The following RARB variants were observed in gnomAD, a reference collection of about 807,000 sequenced individuals.
RARB encodes HBV-activated protein.
In RARB, 17 loss-of-function variants were observed where a neutral mutation model predicts 51.9. That is an observed-to-expected ratio of 0.33 (90% CI 0.22 to 0.49). The LOEUF (loss-of-function observed/expected upper bound fraction) is 0.49, where lower values mean the gene tolerates loss of function less well. Ranked by LOEUF, RARB falls within the 20% of genes least tolerant of loss-of-function variation. RARB has a pLI of 0.99. For missense variants in RARB, 369 were observed against 550.8 expected (o/e 0.67, Z 3.30); for synonymous variants, 215 against 195.4 (o/e 1.10, Z -0.84).
chr3:25,370,387 G>T (rs1184389699), intron 5 of RARB, among the ~76,000 whole-genome samples: 1 of 152,164 alleles, frequency 6.6e-6, no homozygotes, highest in African/African-American at 2.4e-5. Context: ...TACCATAAGG[G>T]TAGCAAGGTG....
intron 3 of RARB, among the ~76,000 whole-genome samples, chr3:25,121,736 T>C (rs1054226392): frequency 1.2e-4 from 18 of 152,040 alleles, no homozygotes; most frequent in African/African-American, 4.4e-4. Context: ...ATTAATAGGC[T>C]ACTCAAAATA....
chr3:24,856,537 C>T (rs1702638903), intron 1 of RARB, among the ~76,000 whole-genome samples: 2 of 152,286 alleles, frequency 1.3e-5, no homozygotes, highest in South Asian at 2.1e-4. Flanking sequence ...TCTCCTGATT[C>T]GTTGACTTAT....
chr3:25,032,715 G>A (rs1048734842), intron 2 of RARB, among the ~76,000 whole-genome samples: 2 of 152,102 alleles, frequency 1.3e-5, no homozygotes, highest in Non-Finnish European at 2.9e-5. Context: ...TGGAAGGGAG[G>A]GTATTTCAGC....
intron 4 of RARB, among the ~76,000 whole-genome samples, chr3:25,143,438 A>G (rs1032446582): frequency 9.2e-5 from 14 of 152,264 alleles, no homozygotes; most frequent in Admixed American, 7.8e-4. Flanking sequence ...TAGTGTTCAG[A>G]TGTGGATTGA....
chr3:25,153,399 C>A (rs1284242497), intron 4 of RARB, among the ~76,000 whole-genome samples: 1 of 152,124 alleles, frequency 6.6e-6, no homozygotes, highest in East Asian at 1.9e-4. Flanking sequence ...TTACGAAGGA[C>A]ATGCAGAGAT....
chr3:25,005,643 A>G (rs1245737442), intron 2 of RARB, among the ~76,000 whole-genome samples: 1 of 152,106 alleles, frequency 6.6e-6, no homozygotes, highest in East Asian at 1.9e-4. Context: ...TCATCTCCAC[A>G]ATATCCTGTT....
At chr3:25,191,630 C>A (rs750729388) in intron 5 of RARB, among the ~76,000 whole-genome samples, 1 of 152,098 alleles carries the variant, frequency 6.6e-6, no homozygotes, top group African/African-American at 2.4e-5. Flanking sequence ...GTTACAGTAA[C>A]TAAGCTGGGC....
chr3:25,321,131 A>G (rs1388631840), intron 5 of RARB, among the ~76,000 whole-genome samples: 1 of 152,202 alleles, frequency 6.6e-6, no homozygotes, highest in African/African-American at 2.4e-5. Context: ...CAATAAGTTT[A>G]GGATAAGCTT....
At chr3:25,556,963 T>G (rs73149396) in intron 3 of RARB, among the ~76,000 whole-genome samples, 4,074 of 152,328 alleles carry the variant, frequency 0.027, 187 homozygotes, top group African/African-American at 0.093. Flanking sequence ...TAGTTATTAT[T>G]TTCTCATAGT....
intron 3 of RARB, among the ~76,000 whole-genome samples, chr3:25,102,232 G>A (rs1474790398): frequency 2.6e-5 from 4 of 152,058 alleles, no homozygotes; most frequent in Admixed American, 2.6e-4. Flanking sequence ...TTCAGGAAAG[G>A]TTCTTGCCAT....
intron 5 of RARB, among the ~76,000 whole-genome samples, chr3:25,291,817 T>G (rs1311455168): frequency 1.3e-5 from 2 of 152,054 alleles, no homozygotes; most frequent in Non-Finnish European, 2.9e-5. Flanking sequence ...TTTAAAGATC[T>G]GGCAAAGAAA....
At chr3:25,367,801 C>G (rs1202475461) in intron 5 of RARB, among the ~76,000 whole-genome samples, 1 of 70,674 alleles carries the variant, frequency 1.4e-5, no homozygotes, top group Non-Finnish European at 3.0e-5. Flanking sequence ...GAGACCCTGT[C>G]ACAAAAAAAA....
rs529011636 is a variant in RARB, at chr3:25,342,584, T to TA, written c.179-118608dup. 8.2e-4 allele frequency among the ~76,000 whole-genome samples: 125 copies of TA among 152,320 alleles called. 3 individuals are homozygous for TA. The South Asian group carries it at 0.025, about 31-fold the overall frequency. On this transcript the variant is annotated intron_variant, in intron 5 of 11. Transcript: ENST00000383772. ...AAACAAGTACCAACCTTCTTTTTTT[T>TA]ATTCCTGGTTGGACCCAATATCAGC...
intron 2 of RARB, among the ~76,000 whole-genome samples, chr3:25,011,711 C>T (rs1697397898): frequency 6.6e-6 from 1 of 152,098 alleles, no homozygotes; most frequent in Admixed American, 6.6e-5. Flanking sequence ...CTGGCAATTA[C>T]TGGTTTAAAG....
intron 5 of RARB, among the ~76,000 whole-genome samples, chr3:25,390,323 T>G (rs916142639): frequency 6.6e-6 from 1 of 152,114 alleles, no homozygotes; most frequent in African/African-American, 2.4e-5. Context: ...GTGGACCTTT[T>G]CTACCATGTG....
intron 4 of RARB, among the ~76,000 whole-genome samples, chr3:25,147,299 C>T (rs1189531743): frequency 6.6e-6 from 1 of 152,110 alleles, no homozygotes. Flanking sequence ...TCTACCGGTT[C>T]TTCCCAACAC....
chr3:25,271,827 G>A (rs1472981913), intron 5 of RARB, among the ~76,000 whole-genome samples: 1 of 152,086 alleles, frequency 6.6e-6, no homozygotes, highest in East Asian at 1.9e-4. Context: ...TTTTTAAAAT[G>A]TTCAATCTTG....
chr3:24,962,795 A>G (rs1696170519), intron 2 of RARB, among the ~76,000 whole-genome samples: 1 of 152,204 alleles, frequency 6.6e-6, no homozygotes, highest in Non-Finnish European at 1.5e-5. Flanking sequence ...GCTACACTAA[A>G]TGATATAAAT....
rs112498218 is a variant in RARB at position 25,334,273 on chromosome 3, C to T, written c.179-126920C>T. On this transcript the variant is annotated intron_variant, in intron 5 of 11. Transcript: ENST00000383772. ...ATTCACAATAACAAAGACTTGGAAC[C>T]AACCCACATGTCCATTAATGATAGA... Among the ~76,000 whole-genome samples the T allele has an allele frequency of 7.5e-3, 1,140 of 152,270 alleles. 10 individuals carry two copies. The highest frequency in any genetic ancestry group is 0.024 in the African/African-American group (996 of 41,534).
Sources: allele counts gnomAD v4.1 joint callset (sites outside exome capture counted in the v4.1 genomes callset), GRCh38; gene constraint gnomAD v4.1.1; transcripts MANE v1.5; gene names NCBI Gene and HGNC (gene_info 2026-07-23, HGNC 2026-07-21).